SLC16A2: variants seen among roughly 807,000 people sequenced by gnomAD.
SLC16A2 encodes the protein monocarboxylate transporter 8.
Under a neutral mutation model 27.2 loss-of-function variants are expected in SLC16A2, and 3 were observed. The ratio of observed to expected loss-of-function variants is 0.11; its 90% CI spans 0.05 to 0.28. The LOEUF is 0.28. SLC16A2 is among the 10% of genes least tolerant of loss of function. The pLI, the probability that SLC16A2 is intolerant of heterozygous loss-of-function variation, is 1.00. For missense variants in SLC16A2, 295 were observed against 458.5 expected (o/e 0.64, Z 3.26); for synonymous variants, 202 against 187.8 (o/e 1.08, Z -0.62).
intron 1 of SLC16A2, among the ~76,000 whole-genome samples, chrX:74,470,231 G>C (rs1346981323): frequency 8.9e-6 from 1 of 112,391 alleles, no homozygotes; most frequent in East Asian, 2.8e-4. Context: ...AGGAAATCTT[G>C]GTTGCTTCCA....
At chrX:74,479,796 A>G (rs4892511) in intron 1 of SLC16A2, among the ~76,000 whole-genome samples, 34,150 of 110,761 alleles carry the variant, frequency 0.31, 5,064 homozygotes, top group East Asian at 0.86. Flanking sequence ...CTGCAGAACA[A>G]TGGATATTGG....
Position 74,447,146 on chromosome X carries a change from T to C in SLC16A2, c.430+25079T>C, listed in dbSNP as rs376299264. 4.4e-4 allele frequency among the ~76,000 whole-genome samples: 49 copies of C among 112,432 alleles called. 1 individual carries two copies. In the South Asian group the frequency reaches 0.018, roughly 41 times the overall value. On this transcript the variant is annotated intron_variant, in intron 1 of 5. Coordinates refer to ENST00000587091, the MANE Select transcript of SLC16A2 (RefSeq NM_006517.5). The stretch of plus-strand genomic sequence containing the variant: ...TGCCCCAACATGTAATTGAATATCT[T>C]TCCTTTTGCCACCCCTCAATAGGCT...
chrX:74,454,511 G>A (rs1372622110), intron 1 of SLC16A2, among the ~76,000 whole-genome samples: 5 of 106,340 alleles, frequency 4.7e-5, no homozygotes, highest in South Asian at 9.0e-4. Flanking sequence ...CTCACTCATA[G>A]GTGGGAATTG....
At chrX:74,443,884 T>G (rs1161445121) in intron 1 of SLC16A2, among the ~76,000 whole-genome samples, 1 of 111,503 alleles carries the variant, frequency 9.0e-6, no homozygotes. Context: ...CTTTTCCTCT[T>G]GGAAGCTGCT....
At chrX:74,482,064 A>T (rs1176244349) in intron 1 of SLC16A2, among the ~76,000 whole-genome samples, 5 of 110,905 alleles carry the variant, frequency 4.5e-5, no homozygotes, top group African/African-American at 1.6e-4. Flanking sequence ...TGGATATTTC[A>T]TATACAAGAT....
At chrX:74,487,278 A>C (rs4892383) in intron 1 of SLC16A2, among the ~76,000 whole-genome samples, 33,599 of 109,657 alleles carry the variant, frequency 0.31, 5,040 homozygotes, top group East Asian at 0.86. Flanking sequence ...CTCAAATTTA[A>C]CATGACCTGG....
chrX:74,457,314 A>G (rs866144289), intron 1 of SLC16A2, among the ~76,000 whole-genome samples: 1 of 111,527 alleles, frequency 9.0e-6, no homozygotes, highest in South Asian at 3.8e-4. Flanking sequence ...TGTACAGTCA[A>G]GATCAAGGAT....
intron 1 of SLC16A2, among the ~76,000 whole-genome samples, chrX:74,447,445 G>T (rs1365870350): frequency 3.6e-5 from 4 of 111,136 alleles, no homozygotes; most frequent in African/African-American, 1.3e-4. Context: ...GGCTGAGGTG[G>T]GAGGATCACT....
chrX:74,506,474 C>G (rs1406372528), intron 1 of SLC16A2, among the ~76,000 whole-genome samples: 1 of 111,501 alleles, frequency 9.0e-6, no homozygotes. Context: ...GAGGCACTGC[C>G]CTAGAGTTCA....
At chrX:74,499,267 T>C (rs1475199768) in intron 1 of SLC16A2, among the ~76,000 whole-genome samples, 2 of 110,053 alleles carry the variant, frequency 1.8e-5, no homozygotes, top group Admixed American at 9.7e-5. Flanking sequence ...GAATCCTCTC[T>C]ATCCTTGATG....
chrX:74,531,289 G>A, intron 5 of SLC16A2, 44 bp from the exon 6 acceptor site: 1 of 1,121,777 alleles, frequency 8.9e-7, no homozygotes, highest in Non-Finnish European at 1.2e-6. Flanking sequence ...CCTTTGGACA[G>A]TAGGGCAAAG....
At chrX:74,491,568 G>A (rs780189527) in intron 1 of SLC16A2, among the ~76,000 whole-genome samples, 9 of 112,076 alleles carry the variant, frequency 8.0e-5, no homozygotes, top group African/African-American at 2.6e-4. Context: ...AATGAGGCAT[G>A]TTCGACTCCC....
At chrX:74,457,970 T>A (rs916843525) in intron 1 of SLC16A2, among the ~76,000 whole-genome samples, 6 of 111,926 alleles carry the variant, frequency 5.4e-5, no homozygotes, top group Non-Finnish European at 9.4e-5. Context: ...GATGTGTATC[T>A]TTTTCCACAC....
chrX:74,426,709 T>G (rs758265571), intron 1 of SLC16A2, among the ~76,000 whole-genome samples: 1 of 112,591 alleles, frequency 8.9e-6, no homozygotes, highest in Non-Finnish European at 1.9e-5. Flanking sequence ...TACCATTCTA[T>G]CCTTCTAAAA....
Position 74,531,789 on chromosome X carries a change from T to C in SLC16A2, c.*236T>C, listed in dbSNP as rs1930573368. 4.5e-6 allele frequency: 2 copies of C among 445,988 alleles called. No individual in the cohort carries two copies. Among genetic ancestry groups the C allele is most frequent in the Admixed American group, 6.9e-5 (2 of 28,886 alleles). 36.8% of individuals were successfully genotyped at this position (445,988 alleles called of 1,213,427 possible). ...TTCTCCTCCCAGGATCTGGGAAAGC[T>C]TGGGAACCACCCCTGGCCTTTGGAA... On this transcript the variant is annotated 3_prime_UTR_variant, in exon 6 of 6. Coordinates refer to ENST00000587091, the MANE Select transcript of SLC16A2 (RefSeq NM_006517.5).
rs1470979712 is a variant in SLC16A2 at position 74,421,694 on chromosome X, C to A, written c.57C>A (p.Asp19Glu). ...CAAAGGGGCCCTGGCAGGAGGCAGA[C>A]CAGGAACAGCAGGAGCCGGTGGGTA... ...EEAKGPWQEA[D>E]QEQQEPVGSP... Residue 19 changes from aspartate (D) to glutamate (E), a missense_variant, in exon 1 of 6, where the codon GAC (aspartate) becomes GAA (glutamate). Physicochemically the swap from Asp to Glu is conservative, Grantham distance 45. Transcript: ENST00000587091. 1.7e-6 allele frequency: 2 copies of A among 1,193,184 alleles called. No individual in the cohort carries two copies. Among genetic ancestry groups the A allele is most frequent in the Non-Finnish European group, 2.3e-6 (2 of 888,408 alleles).
chrX:74,517,367 A>C (rs1300454083), intron 1 of SLC16A2, among the ~76,000 whole-genome samples: 1 of 112,285 alleles, frequency 8.9e-6, no homozygotes, highest in African/African-American at 3.2e-5. Flanking sequence ...TCCTTATAAG[A>C]ATAATCATCA....
At chrX:74,477,164 A>T (rs750603877) in intron 1 of SLC16A2, 2 of 111,634 alleles carry the variant, frequency 1.8e-5, no homozygotes, top group African/African-American at 6.5e-5. Flanking sequence ...AGAGCCTGTT[A>T]TTGGTCTATT....
intron 1 of SLC16A2, among the ~76,000 whole-genome samples, chrX:74,495,707 C>T (rs1168134719): frequency 9.0e-6 from 1 of 110,504 alleles, no homozygotes; most frequent in African/African-American, 3.3e-5. Flanking sequence ...AAAAGGAGAC[C>T]CATACATTCC....
Sources: gnomAD v4.1 joint callset for allele counts (sites outside exome capture counted in the v4.1 genomes callset) on GRCh38, gnomAD v4.1.1 for gene constraint, MANE v1.5 for transcripts, NCBI Gene and HGNC (gene_info 2026-07-23, HGNC 2026-07-21) for gene names.